ARHGAP8: variants seen among roughly 807,000 people sequenced by gnomAD.
ARHGAP8 encodes rho GTPase-activating protein 8.
In ARHGAP8, 62 loss-of-function variants were observed where a neutral mutation model predicts 46.1. That is an observed-to-expected ratio of 1.34 (90% confidence interval 1.10 to 1.66). The LOEUF (loss-of-function observed/expected upper bound fraction) is 1.66, where lower values mean the gene tolerates loss of function less well. Among genes scored for constraint, ARHGAP8 ranks in the 40% most tolerant of loss-of-function variants. ARHGAP8 has a pLI of 0.00. For missense variants in ARHGAP8, 923 were observed against 568.4 expected, an observed-to-expected ratio of 1.62 and a Z score of -6.34; for synonymous variants, 375 against 243.1, an observed-to-expected ratio of 1.54 and a Z score of -5.05.
At chr22:44,793,520 T>C (rs551367156) in intron 2 of ARHGAP8, among the ~76,000 whole-genome samples, 1 of 152,238 alleles carries the variant, frequency 6.6e-6, no homozygotes, top group African/African-American at 2.4e-5. Context: ...GCAAAAATGG[T>C]TGGCAACTTC....
chr22:44,820,744 C>A (rs1034170609), intron 5 of ARHGAP8, among the ~76,000 whole-genome samples: 2 of 152,192 alleles, frequency 1.3e-5, no homozygotes, highest in Non-Finnish European at 2.9e-5. Context: ...AGAAACCTGG[C>A]AATCCCCGCC....
chr22:44,802,035 G>A, intron 2 of ARHGAP8, 42 bp from the exon 3 acceptor site: 1 of 1,608,450 alleles, frequency 6.2e-7, no homozygotes, highest in Non-Finnish European at 8.5e-7. Flanking sequence ...GGATTTTCTA[G>A]GAGAAGGTGG....
chr22:44,827,478 G>A (rs1220099059), intron 7 of ARHGAP8, among the ~76,000 whole-genome samples: 4 of 151,096 alleles, frequency 2.6e-5, no homozygotes, highest in Non-Finnish European at 5.9e-5. Flanking sequence ...AAGTAGCTGG[G>A]ATTATAGGCG....
intron 1 of ARHGAP8, among the ~76,000 whole-genome samples, chr22:44,785,435 C>T (rs567367694): frequency 1.6e-4 from 25 of 152,254 alleles, no homozygotes; most frequent in Non-Finnish European, 3.4e-4. Flanking sequence ...TCTGGTGGTT[C>T]CTGGTGTCCC....
intron 1 of ARHGAP8, among the ~76,000 whole-genome samples, chr22:44,753,978 G>A (rs1173111396): frequency 1.3e-5 from 2 of 152,150 alleles, no homozygotes; most frequent in African/African-American, 2.4e-5. Context: ...CTCCTCATTC[G>A]ATTCACTGAC....
intron 1 of ARHGAP8, chr22:44,786,166 T>C (rs977813622): frequency 1.4e-5 from 7 of 515,998 alleles, no homozygotes; most frequent in African/African-American, 1.2e-4. Flanking sequence ...TGATGTCGAG[T>C]GCATAATGGG....
chr22:44,835,151 CCTTT>C (rs1355472551), intron 7 of ARHGAP8, among the ~76,000 whole-genome samples: 1 of 151,268 alleles, frequency 6.6e-6, no homozygotes, highest in Non-Finnish European at 1.5e-5. Flanking sequence ...CTTTTTTGTT[CCTTT>C]ATGTCTTCAT....
chr22:44,753,179 G>T (rs1475416102), intron 1 of ARHGAP8, among the ~76,000 whole-genome samples: 1 of 151,930 alleles, frequency 6.6e-6, no homozygotes, highest in East Asian at 1.9e-4. Flanking sequence ...GGGGCTGGCC[G>T]GTTCAACACA....
intron 1 of ARHGAP8, among the ~76,000 whole-genome samples, chr22:44,759,365 C>A (rs1020239653): frequency 3.3e-5 from 5 of 152,160 alleles, no homozygotes; most frequent in Non-Finnish European, 5.9e-5. Context: ...ACAGGAAGCC[C>A]CTCTCCCAAT....
intron 9 of ARHGAP8, 122 bp from the exon 10 acceptor site, chr22:44,848,810 A>G (rs2070023779): frequency 2.0e-6 from 3 of 1,535,492 alleles, no homozygotes; most frequent in African/African-American, 1.4e-5. Flanking sequence ...CCTAGGACAC[A>G]TGGCTCCAGC....
At chr22:44,820,854 C>A (rs1382377095) in intron 5 of ARHGAP8, among the ~76,000 whole-genome samples, 1 of 151,992 alleles carries the variant, frequency 6.6e-6, no homozygotes, top group African/African-American at 2.4e-5. Flanking sequence ...AACCACCTGG[C>A]GCTGGTGCTG....
rs1458482225 is a variant in ARHGAP8 at position 44,822,425 on chromosome 22, A to G, written c.441A>G (p.Glu147=). 4 of 1,577,020 alleles carry G rather than the reference A, an allele frequency of 2.5e-6. No homozygotes were observed. Among genetic ancestry groups the G allele is most frequent in the African/African-American group, 1.4e-5 (1 of 72,006 alleles). ...TCAACTACCTGAGTGAGCTCCACGA[A>G]CACCTTAAATACGACCAGCTGGTCA... ...IYFNYLSELH[E]HLKYDQLVIP... Residue 147 remains glutamate (E), a synonymous_variant, in exon 6 of 12, where the codon GAA becomes GAG. Transcript: ENST00000356099.
intron 1 of ARHGAP8, among the ~76,000 whole-genome samples, chr22:44,777,420 A>G (rs748375107): frequency 6.6e-5 from 10 of 152,026 alleles, no homozygotes; most frequent in Non-Finnish European, 1.0e-4. Context: ...CATGATCAGA[A>G]TGTAGTAGCA....
intron 7 of ARHGAP8, among the ~76,000 whole-genome samples, chr22:44,832,369 G>A (rs908830231): frequency 6.6e-6 from 1 of 151,892 alleles, no homozygotes; most frequent in Admixed American, 6.6e-5. Flanking sequence ...TGGGACTACA[G>A]GTGTGTGCTA....
chr22:44,822,022 C>T (rs1373580946), intron 5 of ARHGAP8, among the ~76,000 whole-genome samples: 1 of 152,242 alleles, frequency 6.6e-6, no homozygotes, highest in Non-Finnish European at 1.5e-5. Context: ...GTGCCAGTGG[C>T]TTAGTGCCCC....
In ARHGAP8 at chr22:44,862,611, G is replaced by C. The variant is rs752418576; in HGVS notation, c.*16G>C. 8 of 1,403,288 alleles carry C rather than the reference G, an allele frequency of 5.7e-6. No individual in the cohort carries two copies. The highest frequency in any genetic ancestry group is 7.6e-6 in the Non-Finnish European group (8 of 1,052,424). 86.9% of individuals were successfully genotyped at this position (1,403,288 alleles called of 1,614,324 possible). A position where few individuals can be genotyped will look rare whatever the true frequency, so the allele number is the denominator to read the frequency against. On this transcript the variant is annotated 3_prime_UTR_variant, in exon 12 of 12. Transcript: ENST00000356099. ...ACGTCTCTAGTGTTGCGAACACTCT[G>C]TATATTTCGAGCTACCTCCCACACC...
At chr22:44,818,448 C>T (rs1038521525) in intron 5 of ARHGAP8, among the ~76,000 whole-genome samples, 1 of 100,716 alleles carries the variant, frequency 9.9e-6, no homozygotes, top group African/African-American at 9.3e-5. Flanking sequence ...AGACTCCAGT[C>T]TCAAAAAAAA....
At position 44,856,835 on chromosome 22, in the gene ARHGAP8, G is replaced by T. The variant is rs911505420; in HGVS notation, c.878-2896G>T. Among the ~76,000 whole-genome samples, 3 of 144,646 alleles carry T rather than the reference G, an allele frequency of 2.1e-5. 1 individual carries two copies. Among genetic ancestry groups the T allele is most frequent in the African/African-American group, 5.5e-5 (2 of 36,272 alleles). The allele number at this position is 144,646 out of a possible 152,430, so 94.9% of individuals were successfully genotyped here. A position where few individuals can be genotyped will look rare whatever the true frequency, so the allele number is the denominator to read the frequency against. ...AACCAAAGAACCCATTCTTCCGAAT[G>T]TGGCTCTGCTGGTCCAAATTCAGAA... On this transcript the variant is annotated intron_variant, in intron 10 of 11. Transcript: ENST00000356099.
chr22:44,799,252 C>T (rs1443356844), intron 2 of ARHGAP8, among the ~76,000 whole-genome samples: 1 of 152,216 alleles, frequency 6.6e-6, no homozygotes, highest in Non-Finnish European at 1.5e-5. Context: ...ACCAAGGCTG[C>T]GTGTGGCCTC....
Sources: allele counts gnomAD v4.1 joint callset (sites outside exome capture counted in the v4.1 genomes callset), GRCh38; gene constraint gnomAD v4.1.1; transcripts MANE v1.5; gene names NCBI Gene and HGNC (gene_info 2026-07-23, HGNC 2026-07-21).